ADGRF5: variants seen among roughly 807,000 people sequenced by gnomAD.
ADGRF5 encodes adhesion G protein-coupled receptor F5, also known as G-protein coupled receptor 116.
ADGRF5 carries 75 observed loss-of-function variants against 132.3 expected under a neutral mutation model. The ratio of observed to expected loss-of-function variants is 0.57; its 90% CI spans 0.47 to 0.69. ADGRF5 has a LOEUF of 0.69. ADGRF5 is among the 30% of genes least tolerant of loss of function. The probability of loss-of-function intolerance (pLI) is 0.00; values close to 1 mark genes in which losing one functional copy is unlikely to be tolerated. For missense variants in ADGRF5, 1,516 were observed against 1,630.6 expected, an observed-to-expected ratio of 0.93 and a Z score of 1.21; for synonymous variants, 629 against 597.6, an observed-to-expected ratio of 1.05 and a Z score of -0.77.
upstream of ADGRF5, among the ~76,000 whole-genome samples, chr6:46,926,869 C>T (rs768755041): frequency 5.3e-5 from 8 of 152,156 alleles, no homozygotes; most frequent in Non-Finnish European, 1.2e-4. Context: ...CTACACTTTT[C>T]CTCTCAATGT....
chr6:46,904,361 G>A (rs1055108609), intron 2 of ADGRF5, among the ~76,000 whole-genome samples: 17 of 152,154 alleles, frequency 1.1e-4, no homozygotes, highest in Non-Finnish European at 1.3e-4. Context: ...GATATTATTC[G>A]GCCTTAAAAA....
intron 1 of ADGRF5, among the ~76,000 whole-genome samples, chr6:46,907,004 G>T (rs1393071074): frequency 6.6e-6 from 1 of 152,194 alleles, no homozygotes; most frequent in Non-Finnish European, 1.5e-5. Context: ...GATAGGCTGA[G>T]AATGGTGCCT....
chr6:46,872,935 T>C (rs1771248291), intron 10 of ADGRF5, among the ~76,000 whole-genome samples: 1 of 152,192 alleles, frequency 6.6e-6, no homozygotes, highest in African/African-American at 2.4e-5. Context: ...TCAATCAACA[T>C]GTAACTAGCT....
In ADGRF5 at chr6:46,853,437, CTGAG is replaced by C. The variant is rs1768694361; in HGVS notation, c.*551_*554del. On this transcript the variant is annotated 3_prime_UTR_variant, in exon 21 of 21. Coordinates refer to ENST00000283296, the MANE Select transcript of ADGRF5 (RefSeq NM_001098518.2). ...TTAAAAAAAAATTCTCAATGTTGCACTGAGTGATTATATTAGATCATTAACATGG... is the reference window on the plus strand; with the variant it reads ...TTAAAAAAAAATTCTCAATGTTGCACTGATTATATTAGATCATTAACATGG... The C allele has an allele frequency of 6.6e-6, 1 of 152,362 alleles. No individual in the cohort carries two copies. The highest frequency in any genetic ancestry group is 1.5e-5 in the Non-Finnish European group (1 of 68,264). The allele number at this position is 152,362 out of a possible 1,614,324, so 9.4% of individuals were successfully genotyped here. A position where few individuals can be genotyped will look rare whatever the true frequency, so the allele number is the denominator to read the frequency against.
chr6:46,930,609 A>G (rs145425964), intron 1 of ADGRF5, among the ~76,000 whole-genome samples: 2 of 152,324 alleles, frequency 1.3e-5, no homozygotes, highest in East Asian at 3.9e-4. Flanking sequence ...TCTGCCAATT[A>G]TCAGTGGAAT....
chr6:46,887,145 G>A (rs956258655), intron 4 of ADGRF5: 3 of 152,072 alleles, frequency 2.0e-5, no homozygotes, highest in African/African-American at 7.2e-5. Flanking sequence ...ATCACAAGTT[G>A]TTCAACAAAA....
intron 1 of ADGRF5, 65 bp from the exon 2 acceptor site, chr6:46,906,851 C>A: frequency 1.3e-6 from 1 of 777,872 alleles, no homozygotes. Flanking sequence ...AAAAAGAACT[C>A]GCAAGCCCTG....
At chr6:46,909,463 A>G (rs1302495030) in intron 1 of ADGRF5, among the ~76,000 whole-genome samples, 1 of 152,166 alleles carries the variant, frequency 6.6e-6, no homozygotes, top group Non-Finnish European at 1.5e-5. Flanking sequence ...CTCTGACTCT[A>G]TTTTCCTGTC....
chr6:46,857,102 G>A (rs1164719724), intron 17 of ADGRF5, among the ~76,000 whole-genome samples, 194 bp from the exon 18 acceptor site: 1 of 152,204 alleles, frequency 6.6e-6, no homozygotes, highest in East Asian at 1.9e-4. Context: ...ATGTTATGAT[G>A]TTAGGAAGAT....
At chr6:46,921,216 C>T (rs1776904987) in intron 1 of ADGRF5, among the ~76,000 whole-genome samples, 1 of 152,142 alleles carries the variant, frequency 6.6e-6, no homozygotes, top group Non-Finnish European at 1.5e-5. Context: ...TAAGGTCATC[C>T]CTTGTCCTTT....
intron 12 of ADGRF5, among the ~76,000 whole-genome samples, chr6:46,868,673 T>A (rs1282581233): frequency 6.6e-6 from 1 of 152,184 alleles, no homozygotes; most frequent in Non-Finnish European, 1.5e-5. Context: ...GCTCTAGAAC[T>A]TAAGTTGTTT....
chr6:46,918,524 C>T (rs1776620108), intron 1 of ADGRF5, among the ~76,000 whole-genome samples: 1 of 152,146 alleles, frequency 6.6e-6, no homozygotes, highest in African/African-American at 2.4e-5. Context: ...GGGATTGGGA[C>T]ACAACATGGC....
chr6:46,888,588 G>T lies in ADGRF5; in HGVS notation c.158-83C>A, dbSNP rs533140751. The stretch of plus-strand genomic sequence containing the variant: ...ATGATGGATATTTCAGCAGTTAAAG[G>T]TAATGACAGGTACATGTGAATGGTT... On this transcript the variant is annotated intron_variant, in intron 3 of 20. Coordinates refer to ENST00000283296, the MANE Select transcript of ADGRF5 (RefSeq NM_001098518.2). The T allele has an allele frequency of 6.7e-5, 60 of 889,906 alleles. No homozygotes were observed. The South Asian group carries it at 7.8e-4, about 12-fold the overall frequency. The allele number at this position is 889,906 out of a possible 1,614,324, so 55.1% of individuals were successfully genotyped here. A position where few individuals can be genotyped will look rare whatever the true frequency, so the allele number is the denominator to read the frequency against.
intron 2 of ADGRF5, among the ~76,000 whole-genome samples, chr6:46,900,450 C>T (rs1361398333): frequency 6.6e-6 from 1 of 152,184 alleles, no homozygotes; most frequent in East Asian, 1.9e-4. Flanking sequence ...ATCCCAGTGA[C>T]CTTCGAGACA....
chr6:46,930,772 G>A (rs149027191), intron 1 of ADGRF5, among the ~76,000 whole-genome samples: 218 of 152,260 alleles, frequency 1.4e-3, no homozygotes, highest in African/African-American at 5.0e-3. Flanking sequence ...GAAACATTTG[G>A]CTGGGTGCGG....
chr6:46,864,168 T>A (rs985817760), intron 14 of ADGRF5, among the ~76,000 whole-genome samples: 1 of 152,204 alleles, frequency 6.6e-6, no homozygotes, highest in Non-Finnish European at 1.5e-5. Flanking sequence ...TCCCTTAAGA[T>A]GACCTTGTAT....
chr6:46,920,856 C>T (rs562853374), intron 1 of ADGRF5, among the ~76,000 whole-genome samples: 1 of 151,904 alleles, frequency 6.6e-6, no homozygotes, highest in South Asian at 2.1e-4. Flanking sequence ...GAGCAAGACT[C>T]CATCTCAAAA....
chr6:46,945,037 C>T (rs777193019), intron 1 of ADGRF5, among the ~76,000 whole-genome samples: 4 of 152,204 alleles, frequency 2.6e-5, no homozygotes, highest in Non-Finnish European at 4.4e-5. Flanking sequence ...AAAATTTATG[C>T]AACACCAGCA....
intron 14 of ADGRF5, chr6:46,863,432 C>A (rs569220776): frequency 2.5e-6 from 1 of 405,586 alleles, no homozygotes; most frequent in South Asian, 1.9e-5. Flanking sequence ...ATCGTCAGAG[C>A]GGGATTTAGG....
Sources: gnomAD v4.1 joint callset for allele counts (sites outside exome capture counted in the v4.1 genomes callset) on GRCh38, gnomAD v4.1.1 for gene constraint, MANE v1.5 for transcripts, NCBI Gene and HGNC (gene_info 2026-07-23, HGNC 2026-07-21) for gene names.